Variants in GALNT13 observed in about 807,000 individuals in gnomAD.
GALNT13 encodes the protein polypeptide N-acetylgalactosaminyltransferase 13.
Under a neutral mutation model 64.2 loss-of-function variants are expected in GALNT13, and 28 were observed. The ratio of observed to expected loss-of-function variants is 0.44; its 90% CI spans 0.32 to 0.60. The LOEUF is 0.60. Ranked by LOEUF, GALNT13 falls within the 20% of genes least tolerant of loss-of-function variation. The pLI is 0.05. For synonymous variants in GALNT13, 214 were observed against 224.6 expected (o/e 0.95, Z 0.42); for missense variants, 577 against 669.8 (o/e 0.86, Z 1.53).
At chr2:153,875,762 T>C (rs978759704) in intron 1 of GALNT13, among the ~76,000 whole-genome samples, 1 of 152,234 alleles carries the variant, frequency 6.6e-6, no homozygotes, top group African/African-American at 2.4e-5. Flanking sequence ...TAAGCCTTAC[T>C]GTCTAAAATA....
In GALNT13 at chr2:154,325,777, C is replaced by G. The variant is rs150769106; in HGVS notation, c.1156+24188C>G. 9.6e-3 allele frequency among the ~76,000 whole-genome samples: 1,454 copies of G among 152,110 alleles called. 25 individuals carry two copies. The highest frequency in any genetic ancestry group is 0.033 in the African/African-American group (1,369 of 41,534). ...ATACTTTTATTTAATTATATATAATCAAGCATGTATTTCATTTTTTAATTT... is the reference window on the plus strand; with the variant it reads ...ATACTTTTATTTAATTATATATAATGAAGCATGTATTTCATTTTTTAATTT... On this transcript the variant is annotated intron_variant, in intron 9 of 12. Transcript: ENST00000392825.
At chr2:154,135,966 A>C (rs1440169467) in intron 3 of GALNT13, among the ~76,000 whole-genome samples, 1 of 152,102 alleles carries the variant, frequency 6.6e-6, no homozygotes, top group Non-Finnish European at 1.5e-5. Flanking sequence ...TGGTGGAAAA[A>C]CCAGTATGGT....
chr2:154,364,222 T>A (rs551667175), intron 9 of GALNT13, among the ~76,000 whole-genome samples: 1 of 152,202 alleles, frequency 6.6e-6, no homozygotes, highest in Non-Finnish European at 1.5e-5. Flanking sequence ...ATTTCTAATT[T>A]TATCTCATGG....
chr2:154,137,538 A>G (rs1000387828), intron 3 of GALNT13, among the ~76,000 whole-genome samples: 2 of 152,168 alleles, frequency 1.3e-5, no homozygotes, highest in East Asian at 3.9e-4. Context: ...ATTGATTATG[A>G]TACCAAAACA....
intron 7 of GALNT13, among the ~76,000 whole-genome samples, chr2:154,252,813 G>A (rs994446302): frequency 6.6e-6 from 1 of 152,124 alleles, no homozygotes; most frequent in Non-Finnish European, 1.5e-5. Flanking sequence ...GAGAAGAGGA[G>A]AGGAGAGGAA....
the GALNT13 span, among the ~76,000 whole-genome samples, chr2:153,630,809 T>TTATTTATTTA: frequency 7.1e-5 from 1 of 14,078 alleles, no homozygotes; most frequent in Non-Finnish European, 1.2e-4. Flanking sequence ...ATATATATAT[T>TTATTTATTTA]TTTTTTTTTT....
chr2:153,554,462 G>T, the GALNT13 span, among the ~76,000 whole-genome samples: 1 of 152,134 alleles, frequency 6.6e-6, no homozygotes, highest in Non-Finnish European at 1.5e-5. Context: ...GAAATATTTA[G>T]GTCTGATTGT....
At chr2:154,455,092 C>T (rs113911505), downstream of GALNT13, among the ~76,000 whole-genome samples, 561 of 152,062 alleles carry the variant, frequency 3.7e-3, 3 homozygotes, top group African/African-American at 0.012. Context: ...TAGAAACAGT[C>T]TAATAAAAAG....
At chr2:153,519,470 GC>G in the GALNT13 span, among the ~76,000 whole-genome samples, 1 of 152,248 alleles carries the variant, frequency 6.6e-6, no homozygotes, top group African/African-American at 2.4e-5. Context: ...GGATTGCAGC[GC>G]CACCTGCTGG....
chr2:154,014,121 C>T (rs1696833007), intron 3 of GALNT13, among the ~76,000 whole-genome samples: 1 of 152,130 alleles, frequency 6.6e-6, no homozygotes, highest in Admixed American at 6.5e-5. Flanking sequence ...CGACTGTCAC[C>T]CAAATGCAAA....
At chr2:154,372,381 T>C in intron 9 of GALNT13, among the ~76,000 whole-genome samples, 1 of 152,102 alleles carries the variant, frequency 6.6e-6, no homozygotes, top group East Asian at 1.9e-4. Flanking sequence ...GCTGCAAATT[T>C]TTCCTAACAA....
intron 9 of GALNT13, among the ~76,000 whole-genome samples, chr2:154,310,158 C>T (rs1328760621): frequency 6.6e-6 from 1 of 152,176 alleles, no homozygotes; most frequent in Non-Finnish European, 1.5e-5. Flanking sequence ...TAATTCCCCC[C>T]AGGGACTCCA....
the GALNT13 span, among the ~76,000 whole-genome samples, chr2:153,531,807 A>G: frequency 1.3e-5 from 2 of 152,218 alleles, no homozygotes; most frequent in Non-Finnish European, 2.9e-5. Context: ...GAAAAAGGCT[A>G]CAGGCCCCAT....
At chr2:153,645,677 C>T in the GALNT13 span, among the ~76,000 whole-genome samples, 3 of 152,052 alleles carry the variant, frequency 2.0e-5, no homozygotes, top group African/African-American at 7.2e-5. Flanking sequence ...AAGAGGCTTT[C>T]AGGGACAACT....
chr2:153,110,737 C>T, the GALNT13 span, among the ~76,000 whole-genome samples: 1 of 152,054 alleles, frequency 6.6e-6, no homozygotes, highest in Admixed American at 6.6e-5. Context: ...GGGGCAAGAT[C>T]CTTTATTGCG....
At chr2:153,685,866 ATATAGC>A in the GALNT13 span, among the ~76,000 whole-genome samples, 1 of 151,868 alleles carries the variant, frequency 6.6e-6, no homozygotes, top group East Asian at 1.9e-4. Flanking sequence ...AATTTTCTGC[ATATAGC>A]TAGTCAGCAG....
the GALNT13 span, among the ~76,000 whole-genome samples, chr2:153,114,898 G>T: frequency 6.6e-6 from 1 of 152,064 alleles, no homozygotes; most frequent in African/African-American, 2.4e-5. Flanking sequence ...CTTTAGAGTT[G>T]GATAGGCCTG....
the GALNT13 span, among the ~76,000 whole-genome samples, chr2:153,562,457 T>G: frequency 6.6e-6 from 1 of 152,174 alleles, no homozygotes; most frequent in Admixed American, 6.5e-5. Context: ...GTCTTCTTTA[T>G]TATTTTTGGC....
At chr2:154,024,167 T>C (rs1042009737) in intron 3 of GALNT13, among the ~76,000 whole-genome samples, 4 of 149,746 alleles carry the variant, frequency 2.7e-5, no homozygotes, top group Non-Finnish European at 5.9e-5. Context: ...CTGACAGTTA[T>C]GTGTCTTGGA....
Sources: gnomAD v4.1 joint callset for allele counts (sites outside exome capture counted in the v4.1 genomes callset) on GRCh38, gnomAD v4.1.1 for gene constraint, MANE v1.5 for transcripts, NCBI Gene and HGNC (gene_info 2026-07-23, HGNC 2026-07-21) for gene names.